ROCK1: variants seen among roughly 807,000 people sequenced by gnomAD.
ROCK1 encodes the protein Rho associated coiled-coil containing protein kinase 1.
ROCK1 carries 36 observed loss-of-function variants against 196.8 expected under a neutral mutation model. The ratio of observed to expected loss-of-function variants is 0.18; its 90% CI spans 0.14 to 0.24. The LOEUF (loss-of-function observed/expected upper bound fraction) is 0.24, where lower values mean the gene tolerates loss of function less well. Ranked by LOEUF, ROCK1 falls within the 10% of genes least tolerant of loss-of-function variation. The pLI is 1.00. For missense variants in ROCK1, 920 were observed against 1,562.0 expected (o/e 0.59, Z 6.93); for synonymous variants, 443 against 515.9 (o/e 0.86, Z 1.91).
In ROCK1 at chr18:21,045,908, T is replaced by C. The variant is rs1407091866; in HGVS notation, c.415-441A>G. On this transcript the variant is annotated intron_variant, in intron 4 of 32. Coordinates refer to ENST00000399799, the MANE Select transcript of ROCK1 (RefSeq NM_005406.3). Reference sequence around the variant, plus strand: ...GCTTACAGTTTCAGCTGTTTTTTTTTTTTTTTTTTTTTTTTTTTTTGAGAC... The same window carrying C: ...GCTTACAGTTTCAGCTGTTTTTTTTCTTTTTTTTTTTTTTTTTTTTGAGAC... 8.5e-4 allele frequency among the ~76,000 whole-genome samples: 108 copies of C among 126,966 alleles called. 3 individuals carry two copies. The highest frequency in any genetic ancestry group is 3.1e-3 in the African/African-American group (102 of 32,532). The allele number at this position is 126,966 out of a possible 152,430, so 83.3% of individuals were successfully genotyped here.
intron 17 of ROCK1, 122 bp from the exon 18 acceptor site, chr18:20,991,448 T>C: frequency 1.5e-6 from 1 of 662,768 alleles, no homozygotes; most frequent in South Asian, 2.3e-5. Context: ...AATAAACACA[T>C]ATAATTAAAA....
chr18:21,042,186 A>ATCTG lies in ROCK1; in HGVS notation c.869_870insCAGA (p.Met291ArgfsTer5), dbSNP rs759507569. 6.2e-7 allele frequency: 1 copy of ATCTG among 1,604,008 alleles called. No individual in the cohort carries two copies. Among genetic ancestry groups the ATCTG allele is most frequent in the South Asian group, 1.1e-5 (1 of 89,098 alleles). ...AGGTAAGTGAATTTTTATGGTTCAT[A>ATCTG]ATTTTACTGTAAGTTCCAACCAAAG... On this transcript the variant is annotated frameshift_variant, in exon 8 of 33. Coordinates refer to ENST00000399799, the MANE Select transcript of ROCK1 (RefSeq NM_005406.3). LOFTEE classifies it high-confidence loss of function.
chr18:21,003,960 T>G (rs1280733813), intron 16 of ROCK1, among the ~76,000 whole-genome samples: 1 of 152,132 alleles, frequency 6.6e-6, no homozygotes, highest in Non-Finnish European at 1.5e-5. Context: ...AAAAATTGAT[T>G]TTTGCCTTTC....
rs551909765 is a variant in ROCK1 at position 21,042,357 on chromosome 18, T to G, written c.821-122A>C. ...TTAGGTATGTATTAAACTAAAAACA[T>G]ACACCTAATATATAAAAGAACACAT... On this transcript the variant is annotated intron_variant, in intron 7 of 32. Transcript: ENST00000399799. 1.1e-5 allele frequency: 11 copies of G among 995,600 alleles called. No homozygotes were observed. In the African/African-American group the frequency reaches 1.8e-4, roughly 16 times the overall value. 61.7% of individuals were successfully genotyped at this position (995,600 alleles called of 1,614,324 possible). A position where few individuals can be genotyped will look rare whatever the true frequency, so the allele number is the denominator to read the frequency against.
chr18:21,092,580 TAAA>T (rs35799573), intron 1 of ROCK1, among the ~76,000 whole-genome samples: 7 of 81,102 alleles, frequency 8.6e-5, no homozygotes, highest in African/African-American at 2.1e-4. Flanking sequence ...ACCTCATCTT[TAAA>T]AAAAAAAAAA....
intron 1 of ROCK1, among the ~76,000 whole-genome samples, chr18:21,100,290 G>C (rs2036647877): frequency 6.6e-6 from 1 of 151,594 alleles, no homozygotes; most frequent in South Asian, 2.1e-4. Context: ...TCATCCAATA[G>C]TAAAGAGTAG....
intron 1 of ROCK1, among the ~76,000 whole-genome samples, chr18:21,075,890 T>C (rs1416627769): frequency 1.4e-5 from 2 of 147,054 alleles, no homozygotes; most frequent in Admixed American, 6.8e-5. Flanking sequence ...GAGGCGGAGG[T>C]TGCAGTGAGC....
chr18:21,106,930 TG>T (rs1256737069), intron 1 of ROCK1, among the ~76,000 whole-genome samples: 1 of 152,220 alleles, frequency 6.6e-6, no homozygotes, highest in Non-Finnish European at 1.5e-5. Flanking sequence ...GAGTATCCCT[TG>T]TTTAAAATGC....
intron 16 of ROCK1, among the ~76,000 whole-genome samples, chr18:21,003,155 G>A (rs965577362): frequency 7.2e-5 from 11 of 152,026 alleles, no homozygotes; most frequent in Non-Finnish European, 1.0e-4. Context: ...AAAGTACTAC[G>A]GCGGACAGAG....
At chr18:21,028,720 T>C in intron 10 of ROCK1, 56 bp downstream of exon 10, 3 of 1,443,920 alleles carry the variant, frequency 2.1e-6, no homozygotes, top group South Asian at 1.4e-5. Flanking sequence ...GATTTTTAGA[T>C]ATTTCTAAGA....
At chr18:20,980,135 G>A in intron 21 of ROCK1, 131 bp from the exon 22 acceptor site, 1 of 1,104,656 alleles carries the variant, frequency 9.1e-7, no homozygotes, top group Non-Finnish European at 1.2e-6. Flanking sequence ...CATGACAAAT[G>A]CAAATATATG....
chr18:21,044,460 A>G (rs1444906668), intron 5 of ROCK1, among the ~76,000 whole-genome samples: 1 of 152,224 alleles, frequency 6.6e-6, no homozygotes, highest in Admixed American at 6.5e-5. Context: ...ACCATCAAAA[A>G]TACAACACTC....
intron 1 of ROCK1, among the ~76,000 whole-genome samples, chr18:21,074,013 C>T (rs1230110668): frequency 2.0e-5 from 3 of 152,040 alleles, no homozygotes; most frequent in Non-Finnish European, 4.4e-5. Context: ...AAAAAAATAG[C>T]TGGGCGTGGT....
At position 20,947,633 on chromosome 18, in the gene ROCK1, C is replaced by T. The variant is rs1356363583; in HGVS notation, c.*3751G>A. On this transcript the variant is annotated 3_prime_UTR_variant, in exon 33 of 33. Coordinates refer to ENST00000399799, the MANE Select transcript of ROCK1 (RefSeq NM_005406.3). Reference sequence around the variant, plus strand: ...AGGAGTTAGAGACCACCCTGGGCAACATAATCTCATCGGATTGTCATTATA... The same window carrying T: ...AGGAGTTAGAGACCACCCTGGGCAATATAATCTCATCGGATTGTCATTATA... The T allele has an allele frequency of 3.3e-5, 5 of 152,202 alleles. No individual in the cohort carries two copies. The highest frequency in any genetic ancestry group is 5.9e-5 in the Non-Finnish European group (4 of 68,048). 9.4% of individuals were successfully genotyped at this position (152,202 alleles called of 1,614,324 possible). A position where few individuals can be genotyped will look rare whatever the true frequency, so the allele number is the denominator to read the frequency against.
Position 20,968,806 on chromosome 18 carries a change from T to C in ROCK1, c.2969A>G (p.Lys990Arg), listed in dbSNP as rs1225179506. Residue 990 changes from lysine to arginine, a missense_variant, in exon 25 of 33, where the codon AAG becomes AGG. By Grantham distance (26) the Lys-to-Arg change is conservative. Coordinates refer to ENST00000399799, the MANE Select transcript of ROCK1 (RefSeq NM_005406.3). ...EISNLKAAFE[K>R]NINTERTLKT... ...AAGGGTTCGTTCAGTGTTGATATTC[T>C]TTTCAAAGGCAGCCTTAAGATTACT... is the stretch of plus-strand genomic sequence containing the variant. 2 of 1,609,616 alleles carry C rather than the reference T, an allele frequency of 1.2e-6. No homozygotes were observed. Among genetic ancestry groups the C allele is most frequent in the Non-Finnish European group, 1.7e-6 (2 of 1,175,962 alleles).
chr18:21,045,233 A>T, intron 5 of ROCK1, 59 bp downstream of exon 5: 4 of 1,418,998 alleles, frequency 2.8e-6, no homozygotes, highest in Non-Finnish European at 3.8e-6. Flanking sequence ...GAAATGTTAA[A>T]GTTATTTTTA....
intron 24 of ROCK1, 87 bp downstream of exon 24, chr18:20,969,028 A>G: frequency 1.1e-6 from 1 of 944,520 alleles, no homozygotes; most frequent in Non-Finnish European, 1.6e-6. Context: ...ATATGAAAAC[A>G]GGTATCTTAG....
At chr18:21,070,792 C>T (rs1038217414) in intron 1 of ROCK1, among the ~76,000 whole-genome samples, 179 bp from the exon 2 acceptor site, 10 of 152,162 alleles carry the variant, frequency 6.6e-5, no homozygotes, top group African/African-American at 2.2e-4. Flanking sequence ...ATTTCATATG[C>T]AGTTCTTTTT....
rs116472936 is a variant in ROCK1, at chr18:21,013,019, T to G, written c.1410+2412A>C. The stretch of plus-strand genomic sequence containing the variant: ...GAGACTATTTTTTTGCTTGTTTGTA[T>G]GTTTACAGTTGCTCACTGAAACATA... On this transcript the variant is annotated intron_variant, in intron 13 of 32. Transcript: ENST00000399799. Among the ~76,000 whole-genome samples the G allele has an allele frequency of 8.2e-3, 1,251 of 152,342 alleles. 17 individuals are homozygous for G. Among genetic ancestry groups the G allele is most frequent in the African/African-American group, 0.028 (1,175 of 41,576 alleles).
Sources: allele counts gnomAD v4.1 joint callset (sites outside exome capture counted in the v4.1 genomes callset), GRCh38; gene constraint gnomAD v4.1.1; transcripts MANE v1.5; gene names NCBI Gene and HGNC (gene_info 2026-07-23, HGNC 2026-07-21).